The following KANK1 variants were observed in gnomAD, a reference collection of about 807,000 sequenced individuals.
The protein encoded by KANK1 is KN motif and ankyrin repeat domain-containing protein 1.
KANK1 carries 109 observed loss-of-function variants against 106.2 expected under a neutral mutation model. The observed-to-expected ratio is 1.03, with a 90% CI of 0.88 to 1.20. The LOEUF (loss-of-function observed/expected upper bound fraction) is 1.20, where lower values mean the gene tolerates loss of function less well. Ranked by LOEUF, KANK1 falls within the 50% of genes most tolerant of loss-of-function variation. The pLI, the probability that KANK1 is intolerant of heterozygous loss-of-function variation, is 0.00. For synonymous variants in KANK1, 873 were observed against 652.2 expected (o/e 1.34, Z -5.16); for missense variants, 2,399 against 1,710.7 (o/e 1.40, Z -7.10).
intron 1 of KANK1, among the ~76,000 whole-genome samples, chr9:653,836 T>C (rs1310710141): frequency 6.6e-6 from 1 of 152,200 alleles, no homozygotes; most frequent in Non-Finnish European, 1.5e-5. Flanking sequence ...ATACTTAGTG[T>C]TGTCTTTGTG....
chr9:570,380 A>T (rs1818867191), intron 1 of KANK1, among the ~76,000 whole-genome samples: 1 of 152,224 alleles, frequency 6.6e-6, no homozygotes, highest in African/African-American at 2.4e-5. Flanking sequence ...TGGCAGTTGC[A>T]CTGATGGCTG....
intron 2 of KANK1, among the ~76,000 whole-genome samples, chr9:699,483 T>C (rs974728543): frequency 3.9e-5 from 6 of 152,114 alleles, no homozygotes; most frequent in Non-Finnish European, 5.9e-5. Context: ...GTGGAAGATG[T>C]AGGAGTAGTG....
In KANK1 at chr9:480,664, G is replaced by A. The variant is rs713245; in HGVS notation, c.-362+7391G>A. Among the ~76,000 whole-genome samples, 569 of 152,248 alleles carry A rather than the reference G, an allele frequency of 3.7e-3. 3 individuals are homozygous for A. The highest frequency in any genetic ancestry group is 0.013 in the African/African-American group (543 of 41,538). ...TTTTCATCCAGAAAGAATTATTTTC[G>A]TCAGCTTTCCACCAGTGGAACATAC... On this transcript the variant is annotated intron_variant, in intron 3 of 15. Transcript: ENST00000382303.
chr9:529,252 CACATAT>C (rs1441795000), intron 1 of KANK1, among the ~76,000 whole-genome samples: 4 of 150,976 alleles, frequency 2.6e-5, no homozygotes, highest in African/African-American at 9.8e-5. Context: ...CACACACACA[CACATAT>C]ACACACACAC....
intron 1 of KANK1, among the ~76,000 whole-genome samples, chr9:591,737 C>T (rs908439546): frequency 1.3e-5 from 2 of 151,804 alleles, no homozygotes; most frequent in Non-Finnish European, 2.9e-5. Context: ...GCTCACTCTG[C>T]AACCTCTGCC....
At chr9:541,033 C>T (rs556287844) in intron 1 of KANK1, among the ~76,000 whole-genome samples, 2 of 151,998 alleles carry the variant, frequency 1.3e-5, no homozygotes, top group South Asian at 2.1e-4. Flanking sequence ...TATTTGAGCT[C>T]TTTCTTCCTT....
At chr9:483,692 C>T (rs958112582) in intron 3 of KANK1, among the ~76,000 whole-genome samples, 1 of 152,188 alleles carries the variant, frequency 6.6e-6, no homozygotes, top group Non-Finnish European at 1.5e-5. Flanking sequence ...GTCTCTTAGG[C>T]AAACACCCAT....
At chr9:623,494 G>A (rs1280063642) in intron 1 of KANK1, among the ~76,000 whole-genome samples, 1 of 151,694 alleles carries the variant, frequency 6.6e-6, no homozygotes, top group Non-Finnish European at 1.5e-5. Flanking sequence ...TTAGACTGAG[G>A]TGAGGAGGCT....
intron 3 of KANK1, among the ~76,000 whole-genome samples, chr9:496,397 T>C (rs927269657): frequency 6.6e-6 from 1 of 151,918 alleles, no homozygotes. Flanking sequence ...CTACTAAAAA[T>C]ACAAAAATTA....
intron 3 of KANK1, chr9:492,269 TA>T (rs1444801291): frequency 1.4e-4 from 21 of 152,226 alleles, no homozygotes; most frequent in African/African-American, 4.8e-4. Context: ...CTTAACTGCT[TA>T]AATAGAATGA....
chr9:661,027 C>G (rs1843179451), intron 1 of KANK1, among the ~76,000 whole-genome samples: 1 of 152,180 alleles, frequency 6.6e-6, no homozygotes, highest in African/African-American at 2.4e-5. Context: ...GAGCTTGCAA[C>G]TTAATGGCAA....
chr9:677,917 C>T lies in KANK1; in HGVS notation c.37+908C>T, dbSNP rs577149695. Among the ~76,000 whole-genome samples the T allele has an allele frequency of 2.6e-5, 4 of 152,272 alleles. 1 individual carries two copies. Among genetic ancestry groups the T allele is most frequent in the Admixed American group, 1.3e-4 (2 of 15,296 alleles). On this transcript the variant is annotated intron_variant, in intron 2 of 11. Coordinates refer to ENST00000382297, the MANE Select transcript of KANK1 (RefSeq NM_015158.5). ...GGCTATTTCTCCACATGTAAACCAT[C>T]GGTAAGTATATCCACCTGCCGGTTT...
chr9:512,891 AT>A (rs1157227534), intron 1 of KANK1, among the ~76,000 whole-genome samples: 19 of 151,956 alleles, frequency 1.3e-4, no homozygotes, highest in African/African-American at 3.9e-4. Context: ...ATATCTTATT[AT>A]TTTTGCCTTA....
chr9:608,028 A>T (rs148283507), intron 1 of KANK1, among the ~76,000 whole-genome samples: 11,230 of 83,704 alleles, frequency 0.13, 694 homozygotes, highest in East Asian at 0.29. Context: ...TATTATTATT[A>T]TTATTATTTT....
At chr9:640,071 T>G (rs977960552) in intron 1 of KANK1, among the ~76,000 whole-genome samples, 1 of 152,172 alleles carries the variant, frequency 6.6e-6, no homozygotes, top group African/African-American at 2.4e-5. Context: ...GACCTCGTTG[T>G]ACTCAGCTTC....
chr9:694,969 C>G (rs376028331), intron 2 of KANK1, among the ~76,000 whole-genome samples: 3 of 152,058 alleles, frequency 2.0e-5, no homozygotes, highest in Admixed American at 6.6e-5. Flanking sequence ...CAAGTCTAGT[C>G]GACAGTTACT....
At chr9:606,603 T>C (rs1829242632) in intron 1 of KANK1, among the ~76,000 whole-genome samples, 4 of 122,176 alleles carry the variant, frequency 3.3e-5, no homozygotes. Context: ...AAAATATGTG[T>C]GTGTGTGTGT....
chr9:726,996 G>T (rs955084277), intron 3 of KANK1, among the ~76,000 whole-genome samples: 1 of 152,094 alleles, frequency 6.6e-6, no homozygotes, highest in African/African-American at 2.4e-5. Flanking sequence ...ACCAAAGTAG[G>T]TTTATTTTCT....
chr9:532,425 T>TG (rs1482789558), intron 1 of KANK1, among the ~76,000 whole-genome samples: 1 of 149,730 alleles, frequency 6.7e-6, no homozygotes, highest in Admixed American at 6.7e-5. Flanking sequence ...AGTTCATTGA[T>TG]GTTAAGTATG....
Sources: gnomAD v4.1 joint callset for allele counts (sites outside exome capture counted in the v4.1 genomes callset) on GRCh38, gnomAD v4.1.1 for gene constraint, MANE v1.5 for transcripts, NCBI Gene and HGNC (gene_info 2026-07-23, HGNC 2026-07-21) for gene names.